CC2D2A: variants seen among roughly 807,000 people sequenced by gnomAD.
CC2D2A encodes coiled-coil and C2 domain-containing protein 2A.
A neutral mutation model predicts 212.9 loss-of-function variants in CC2D2A; 155 were observed. That is an observed-to-expected ratio of 0.73 (90% CI 0.64 to 0.83). CC2D2A has a LOEUF of 0.83. Ranked by LOEUF, CC2D2A falls within the 40% of genes least tolerant of loss-of-function variation. The probability of loss-of-function intolerance (pLI) is 0.00; values close to 1 mark genes in which losing one functional copy is unlikely to be tolerated. For missense variants in CC2D2A, 1,856 were observed against 1,956.2 expected, an observed-to-expected ratio of 0.95 and a Z score of 0.97; for synonymous variants, 667 against 686.5, an observed-to-expected ratio of 0.97 and a Z score of 0.44.
At chr4:15,522,168 G>A (rs1273679253) in intron 11 of CC2D2A, among the ~76,000 whole-genome samples, 2 of 152,172 alleles carry the variant, frequency 1.3e-5, no homozygotes, top group African/African-American at 2.4e-5. Flanking sequence ...ACCACTGCAC[G>A]CCAGCTTGGT....
chr4:15,519,741 T>C (rs1239683645), intron 11 of CC2D2A: 1 of 412,550 alleles, frequency 2.4e-6, no homozygotes, highest in Non-Finnish European at 4.8e-6. Context: ...TTTAAAACAA[T>C]CAGATCTCAT....
chr4:15,515,719 T>C (rs1265716544), intron 9 of CC2D2A, 149 bp from the exon 10 acceptor site: 3 of 755,198 alleles, frequency 4.0e-6, no homozygotes, highest in Non-Finnish European at 6.2e-6. Context: ...CATTCATCTT[T>C]TCCTTGGTTC....
chr4:15,567,257 C>T (rs1719924836), intron 24 of CC2D2A, 120 bp from the exon 25 acceptor site: 1 of 727,074 alleles, frequency 1.4e-6, no homozygotes, highest in Non-Finnish European at 2.3e-6. Context: ...GAGATCATGC[C>T]ACTGCACTTC....
chr4:15,532,358 C>T (rs184086239), intron 13 of CC2D2A, among the ~76,000 whole-genome samples: 78 of 152,310 alleles, frequency 5.1e-4, no homozygotes, highest in Non-Finnish European at 8.7e-4. Flanking sequence ...CGTACAACCT[C>T]CAGACTTAGG....
In CC2D2A at chr4:15,553,934, C is replaced by T. The variant is rs188865145; in HGVS notation, c.2486+629C>T. On this transcript the variant is annotated intron_variant, in intron 19 of 36. Coordinates refer to ENST00000424120, the MANE Select transcript of CC2D2A (RefSeq NM_001378615.1). ...ATTTCACCATTCCAGGCCTCAGTTGCCTCATCTCTAAAATAAAAGGATTCA... is the reference window on the plus strand; with the variant it reads ...ATTTCACCATTCCAGGCCTCAGTTGTCTCATCTCTAAAATAAAAGGATTCA... 2.1e-3 allele frequency among the ~76,000 whole-genome samples: 316 copies of T among 152,294 alleles called. 2 individuals are homozygous for T. The highest frequency in any genetic ancestry group is 7.0e-3 in the African/African-American group (292 of 41,578).
chr4:15,556,131 GTTTA>G (rs1259458778), intron 20 of CC2D2A, among the ~76,000 whole-genome samples: 2 of 152,138 alleles, frequency 1.3e-5, no homozygotes, highest in Non-Finnish European at 2.9e-5. Flanking sequence ...TGGAACATTA[GTTTA>G]TTTTTCTTGG....
intron 17 of CC2D2A, 74 bp downstream of exon 17, chr4:15,541,088 G>C: frequency 8.1e-7 from 1 of 1,240,056 alleles, no homozygotes; most frequent in Non-Finnish European, 1.1e-6. Context: ...AAGGTGGGCA[G>C]ATCACTTAAG....
At chr4:15,564,720 C>A (rs1719802481) in intron 24 of CC2D2A, among the ~76,000 whole-genome samples, 1 of 152,088 alleles carries the variant, frequency 6.6e-6, no homozygotes, top group African/African-American at 2.4e-5. Context: ...ACTCTGTTGC[C>A]CAGGCTGAGT....
At chr4:15,516,944 C>CTTTTTTTTTTTTTTTTTTTTTTT (rs397992357) in intron 11 of CC2D2A, among the ~76,000 whole-genome samples, 188 bp downstream of exon 11, 1 of 95,792 alleles carries the variant, frequency 1.0e-5, no homozygotes, top group Non-Finnish European at 2.0e-5. Context: ...TGCATCCCTT[C>CTTTTTTTTTTTTTTTTTTTTTTT]TTTTTTTTTT....
intron 4 of CC2D2A, among the ~76,000 whole-genome samples, chr4:15,492,494 T>C (rs1184270739): frequency 1.5e-5 from 2 of 136,312 alleles, no homozygotes; most frequent in Non-Finnish European, 3.0e-5. Context: ...CCAAATTCTT[T>C]TTTTTGTTTG....
intron 4 of CC2D2A, among the ~76,000 whole-genome samples, chr4:15,487,444 G>GAT (rs1164821615): frequency 6.6e-6 from 1 of 151,878 alleles, no homozygotes; most frequent in Non-Finnish European, 1.5e-5. Context: ...TATTTTATCT[G>GAT]ATACATATAC....
intron 7 of CC2D2A, among the ~76,000 whole-genome samples, chr4:15,510,610 A>G (rs1399385092): frequency 6.6e-6 from 1 of 152,186 alleles, no homozygotes; most frequent in African/African-American, 2.4e-5. Context: ...TTAAAAATAA[A>G]TAAATGACTA....
chr4:15,588,592 C>T (rs1031677013), intron 32 of CC2D2A, among the ~76,000 whole-genome samples: 1 of 152,108 alleles, frequency 6.6e-6, no homozygotes, highest in Non-Finnish European at 1.5e-5. Context: ...CTTGGAAATT[C>T]GATAGCATGA....
At chr4:15,583,075 T>C (rs1720718935) in intron 30 of CC2D2A, among the ~76,000 whole-genome samples, 1 of 152,102 alleles carries the variant, frequency 6.6e-6, no homozygotes, top group African/African-American at 2.4e-5. Flanking sequence ...ATTTACAGAA[T>C]CAAGGACAAG....
chr4:15,561,109 G>C (rs1014303137), intron 23 of CC2D2A, among the ~76,000 whole-genome samples: 1 of 152,222 alleles, frequency 6.6e-6, no homozygotes, highest in South Asian at 2.1e-4. Flanking sequence ...TGCTTGGTGA[G>C]AGTGTAGAAC....
intron 33 of CC2D2A, among the ~76,000 whole-genome samples, chr4:15,593,386 C>G (rs1721192622): frequency 6.6e-6 from 1 of 152,152 alleles, no homozygotes; most frequent in East Asian, 1.9e-4. Flanking sequence ...TTTCTGTATT[C>G]TCCAAATTTG....
chr4:15,479,128 G>T, intron 3 of CC2D2A: 2 of 872,790 alleles, frequency 2.3e-6, no homozygotes, highest in South Asian at 1.4e-5. Context: ...GAAGGCCATG[G>T]ACTATGATGG....
chr4:15,555,033 T>C (rs1410956257), intron 19 of CC2D2A, 39 bp from the exon 20 acceptor site: 1 of 1,584,132 alleles, frequency 6.3e-7, no homozygotes, highest in Non-Finnish European at 8.6e-7. Context: ...AACTGTTCTG[T>C]GGTCAAGTCA....
At chr4:15,567,336 T>G in intron 24 of CC2D2A, 41 bp from the exon 25 acceptor site, 1 of 1,398,600 alleles carries the variant, frequency 7.2e-7, no homozygotes, top group Non-Finnish European at 1.0e-6. Flanking sequence ...ATAATTAGAC[T>G]TCCTCTATCA....
Sources: allele counts gnomAD v4.1 joint callset (sites outside exome capture counted in the v4.1 genomes callset), GRCh38; gene constraint gnomAD v4.1.1; transcripts MANE v1.5; gene names NCBI Gene and HGNC (gene_info 2026-07-23, HGNC 2026-07-21).